Variants in FBN3 observed in about 807,000 individuals in gnomAD.
The protein encoded by FBN3 is fibrillin-3.
A neutral mutation model predicts 330.1 loss-of-function variants in FBN3; 234 were observed. The observed-to-expected ratio is 0.71, with a 90% CI of 0.64 to 0.79. FBN3 has a LOEUF of 0.79. Ranked by LOEUF, FBN3 falls within the 30% of genes least tolerant of loss-of-function variation. The probability of loss-of-function intolerance (pLI) is 0.00; values close to 1 mark genes in which losing one functional copy is unlikely to be tolerated. For synonymous variants in FBN3, 1,458 were observed against 1,517.3 expected, an observed-to-expected ratio of 0.96 and a Z score of 0.91; for missense variants, 3,606 against 3,886.9, an observed-to-expected ratio of 0.93 and a Z score of 1.92.
intron 1 of FBN3, chr19:8,148,748 T>A (rs1489782770): frequency 6.6e-6 from 1 of 152,258 alleles, no homozygotes; most frequent in Non-Finnish European, 1.5e-5. Context: ...TGGGCCAACC[T>A]GGTTGTCCAA....
At chr19:8,139,577 G>A (rs2083365252) in intron 8 of FBN3, among the ~76,000 whole-genome samples, 1 of 151,788 alleles carries the variant, frequency 6.6e-6, no homozygotes, top group Non-Finnish European at 1.5e-5. Flanking sequence ...GCTGGCTTCA[G>A]GCATTATGCA....
chr19:8,076,063 G>T (rs1599268584), intron 59 of FBN3, among the ~76,000 whole-genome samples: 2 of 152,270 alleles, frequency 1.3e-5, no homozygotes, highest in Middle Eastern at 6.8e-3. Flanking sequence ...AGAGACACCA[G>T]AAAGCTTGCT....
At chr19:8,139,411 CTT>C (rs376532726) in intron 8 of FBN3, among the ~76,000 whole-genome samples, 96 of 152,262 alleles carry the variant, frequency 6.3e-4, no homozygotes, top group Non-Finnish European at 7.5e-4. Flanking sequence ...AGTGCCATCT[CTT>C]GTTACCAAGA....
At chr19:8,133,448 GACA>G (rs1172764086) in intron 13 of FBN3, among the ~76,000 whole-genome samples, 1 of 151,522 alleles carries the variant, frequency 6.6e-6, no homozygotes, top group Non-Finnish European at 1.5e-5. Flanking sequence ...TTTTTTAAAA[GACA>G]ACAATTTTTT....
Position 8,116,592 on chromosome 19 carries a change from G to C in FBN3, c.3712+82C>G. On this transcript the variant is annotated intron_variant, in intron 29 of 63. Transcript: ENST00000600128. ...GGGGCCTGGCATTTTTCATGCCTAT[G>C]TGCCACCTTGTGGAAGACCTGGTGT... 2.1e-6 allele frequency: 3 copies of C among 1,453,018 alleles called. No individual in the cohort carries two copies. In the South Asian group the frequency reaches 3.7e-5, roughly 18 times the overall value. 90.0% of individuals were successfully genotyped at this position (1,453,018 alleles called of 1,614,324 possible).
intron 58 of FBN3, 95 bp downstream of exon 58, chr19:8,081,262 AG>A: frequency 3.3e-6 from 5 of 1,496,002 alleles, no homozygotes; most frequent in Non-Finnish European, 3.6e-6. Flanking sequence ...TGCAGATGGG[AG>A]GGGGTGAGAT....
At chr19:8,084,249 C>T (rs912423438) in intron 56 of FBN3, among the ~76,000 whole-genome samples, 1 of 152,206 alleles carries the variant, frequency 6.6e-6, no homozygotes. Context: ...GTCCACAACA[C>T]ACAGGCCGCT....
intron 13 of FBN3, among the ~76,000 whole-genome samples, chr19:8,135,171 G>T (rs2144995477): frequency 6.6e-6 from 1 of 151,476 alleles, no homozygotes; most frequent in Middle Eastern, 3.4e-3. Flanking sequence ...TAGAGACAGG[G>T]TCTTGCTGTG....
At position 8,146,241 on chromosome 19, in the gene FBN3, G is replaced by C; in HGVS notation, c.251-16C>G. On this transcript the variant is annotated splice_polypyrimidine_tract_variant and intron_variant, in intron 3 of 63. Transcript: ENST00000600128. Reference sequence around the variant, plus strand: ...CTACAGATGGCTGGATGAGTGCAGCGGGTGGCAGTCAAGACCAGGACCGAG... The same window carrying C: ...CTACAGATGGCTGGATGAGTGCAGCCGGTGGCAGTCAAGACCAGGACCGAG... 6.4e-7 allele frequency: 1 copy of C among 1,573,652 alleles called. No homozygotes were observed.
chr19:8,082,140 T>C (rs77280459), intron 57 of FBN3, among the ~76,000 whole-genome samples: 74,187 of 151,440 alleles, frequency 0.49, 18,439 homozygotes, highest in Admixed American at 0.54. Flanking sequence ...TTTTCTTTTT[T>C]TCTTTTTTTT....
chr19:8,135,687 T>C (rs1352505998), intron 13 of FBN3, among the ~76,000 whole-genome samples: 1 of 151,964 alleles, frequency 6.6e-6, no homozygotes, highest in Admixed American at 6.6e-5. Context: ...CCCCGCAAAG[T>C]GCTGGGATTA....
chr19:8,128,562 CAAAA>C (rs113391470), intron 18 of FBN3, among the ~76,000 whole-genome samples: 2 of 100,280 alleles, frequency 2.0e-5, no homozygotes, highest in Admixed American at 2.2e-4. Context: ...GACTCTGTCT[CAAAA>C]AAAAAAAAAA....
intron 57 of FBN3, among the ~76,000 whole-genome samples, chr19:8,082,142 C>T (rs149575499): frequency 1.1e-4 from 14 of 131,064 alleles, no homozygotes; most frequent in Admixed American, 8.7e-4. Flanking sequence ...TTCTTTTTTT[C>T]TTTTTTTTAG....
In FBN3 at chr19:8,136,382, G is replaced by A. The variant is rs62123271; in HGVS notation, c.1345+6C>T. The A allele has an allele frequency of 1.2e-6, 2 of 1,612,014 alleles. No homozygotes were observed. Among genetic ancestry groups the A allele is most frequent in the Non-Finnish European group, 1.7e-6 (2 of 1,178,606 alleles). On this transcript the variant is annotated splice_donor_region_variant and intron_variant, in intron 11 of 63. Transcript: ENST00000600128. Reference sequence around the variant, plus strand: ...CCGCCCCCCCTTCCACCTGGCCGCGGCTCACCAATGCACTCGCCGCGCACG... The same window carrying A: ...CCGCCCCCCCTTCCACCTGGCCGCGACTCACCAATGCACTCGCCGCGCACG...
chr19:8,137,442 C>T (rs2145013029), intron 10 of FBN3, among the ~76,000 whole-genome samples: 1 of 151,976 alleles, frequency 6.6e-6, no homozygotes, highest in East Asian at 1.9e-4. Flanking sequence ...AGCCTTAGAT[C>T]CCTTCAATCT....
In FBN3 at chr19:8,097,350, C is replaced by T. The variant is rs772531367; in HGVS notation, c.5226G>A (p.Gly1742=). The T allele has an allele frequency of 1.9e-6, 3 of 1,610,686 alleles. No homozygotes were observed. The Admixed American group carries it at 5.0e-5, about 27-fold the overall frequency. Residue 1742 remains glycine, a synonymous_variant, in exon 42 of 64, where the codon GGG becomes GGA. Transcript: ENST00000600128. ...CANGICINQI[G]SFRCECPAGF... ...CTGCGGGGCACTCGCAGCGGAAACT[C>T]CCGATCTGGTTTATGCAGATGCCAT...
intron 30 of FBN3, among the ~76,000 whole-genome samples, chr19:8,114,733 C>G (rs1483055119): frequency 6.6e-6 from 1 of 150,682 alleles, no homozygotes; most frequent in Non-Finnish European, 1.5e-5. Context: ...GGCGGAGAAT[C>G]ATTTTACTTA....
chr19:8,082,308 CCTTT>C (rs986458795), intron 57 of FBN3, among the ~76,000 whole-genome samples: 6 of 150,386 alleles, frequency 4.0e-5, no homozygotes, highest in Admixed American at 2.7e-4. Flanking sequence ...TCTCTTTCTC[CCTTT>C]CTCTTTCTTT....
chr19:8,115,180 A>G (rs1195002977), intron 30 of FBN3, among the ~76,000 whole-genome samples: 1 of 152,102 alleles, frequency 6.6e-6, no homozygotes, highest in East Asian at 1.9e-4. Context: ...TAAGCCACCA[A>G]TTGTGTGATC....
Sources: allele counts gnomAD v4.1 joint callset (sites outside exome capture counted in the v4.1 genomes callset), GRCh38; gene constraint gnomAD v4.1.1; transcripts MANE v1.5; gene names NCBI Gene and HGNC (gene_info 2026-07-23, HGNC 2026-07-21).